PCDHGA6: variants seen among roughly 807,000 people sequenced by gnomAD.
PCDHGA6 encodes the protein protocadherin gamma-A6.
PCDHGA6 carries 41 observed loss-of-function variants against 60.6 expected under a neutral mutation model. The ratio of observed to expected loss-of-function variants is 0.68; its 90% confidence interval spans 0.53 to 0.88. The LOEUF is 0.88. Ranked by LOEUF, PCDHGA6 falls within the 40% of genes least tolerant of loss-of-function variation. PCDHGA6 has a pLI of 0.00. For missense variants in PCDHGA6, 1,312 were observed against 1,203.0 expected, an observed-to-expected ratio of 1.09 and a Z score of -1.34; for synonymous variants, 594 against 524.4, an observed-to-expected ratio of 1.13 and a Z score of -1.81.
chr5:141,414,715 G>A, intron 1 of PCDHGA6: 1 of 1,614,128 alleles, frequency 6.2e-7, no homozygotes. Context: ...CATCAACTCA[G>A]ACACTGGCGT....
At position 141,393,088 on chromosome 5, in the gene PCDHGA6, G is replaced by T. The variant is rs760420305; in HGVS notation, c.2424+16581G>T. ...TTGATCACCGCGGGCAGGATAGATCGGGAGGAGCTCTGCGCTCAGAGCCCG... is the reference window on the plus strand; with the variant it reads ...TTGATCACCGCGGGCAGGATAGATCTGGAGGAGCTCTGCGCTCAGAGCCCG... On this transcript the variant is annotated intron_variant, in intron 1 of 3. Transcript: ENST00000517434. 3.7e-6 allele frequency: 6 copies of T among 1,613,530 alleles called. No homozygotes were observed. In the East Asian group the frequency reaches 1.3e-4, roughly 36 times the overall value.
Position 141,476,165 on chromosome 5 carries a change from G to A in PCDHGA6, c.2425-18642G>A. ...CGGACTGGTAAGCACCGGGAGGGTA[G>A]TGGGAGTTTTGCTTCTGCTTGGTGC... On this transcript the variant is annotated intron_variant, in intron 1 of 3. Coordinates refer to ENST00000517434, the MANE Select transcript of PCDHGA6 (RefSeq NM_018919.3). This position sits in a 1 kb window ranked among gnomAD's most constrained non-coding sequence, Gnocchi z 7.6. 1 of 1,613,228 alleles carries A rather than the reference G, an allele frequency of 6.2e-7. No homozygotes were observed.
intron 1 of PCDHGA6, 70 bp downstream of exon 1, chr5:141,376,577 C>T (rs1231719593): frequency 6.3e-6 from 10 of 1,592,924 alleles, no homozygotes; most frequent in Admixed American, 1.7e-5. Flanking sequence ...CAGACAGGCT[C>T]ATCAGCTAGA....
At chr5:141,428,175 G>A (rs766332920) in intron 1 of PCDHGA6, 20 of 1,508,456 alleles carry the variant, frequency 1.3e-5, no homozygotes, top group Non-Finnish European at 1.8e-5. Flanking sequence ...GTGCGTGACG[G>A]AGGACAGCCG....
intron 1 of PCDHGA6, chr5:141,416,286 T>C (rs1415036175): frequency 2.0e-5 from 3 of 152,304 alleles, no homozygotes; most frequent in Non-Finnish European, 4.4e-5. Context: ...AATTCTCTAA[T>C]TTCACACTGC....
chr5:141,407,807 T>C (rs916388568), intron 1 of PCDHGA6, among the ~76,000 whole-genome samples: 1 of 152,202 alleles, frequency 6.6e-6, no homozygotes, highest in African/African-American at 2.4e-5. Flanking sequence ...CATAGAAATA[T>C]CTACTATAAT....
intron 1 of PCDHGA6, chr5:141,394,548 C>T (rs1176145709): frequency 6.2e-7 from 1 of 1,614,160 alleles, no homozygotes; most frequent in Admixed American, 1.7e-5. Context: ...GGAGCTGGCG[C>T]CCCGCTCCGC....
chr5:141,468,458 G>A (rs1047447240), intron 1 of PCDHGA6: 3 of 152,134 alleles, frequency 2.0e-5, no homozygotes, highest in African/African-American at 7.2e-5. Flanking sequence ...ATTAAAGCAA[G>A]TTATTTCTGA....
intron 1 of PCDHGA6, chr5:141,409,051 C>T (rs767003760): frequency 3.7e-6 from 6 of 1,614,032 alleles, no homozygotes; most frequent in Non-Finnish European, 5.1e-6. Context: ...ACTTCCGAAG[C>T]ACTGCCCAGA....
chr5:141,402,642 A>C (rs1236156893), intron 1 of PCDHGA6, among the ~76,000 whole-genome samples: 2 of 152,240 alleles, frequency 1.3e-5, no homozygotes, highest in Non-Finnish European at 2.9e-5. Flanking sequence ...TAAAATCATA[A>C]TTAGAAGAGA....
chr5:141,419,578 G>C (rs1339676992), intron 1 of PCDHGA6: 1 of 1,611,722 alleles, frequency 6.2e-7, no homozygotes. Flanking sequence ...ACGGCTCCGC[G>C]CTCTTCGACA....
intron 1 of PCDHGA6, chr5:141,433,074 A>C: frequency 6.2e-7 from 1 of 1,614,218 alleles, no homozygotes; most frequent in East Asian, 2.2e-5. Flanking sequence ...ATCTTCCCCC[A>C]GCCCAACTAT....
chr5:141,461,216 T>C (rs1050704259), intron 1 of PCDHGA6, among the ~76,000 whole-genome samples: 2 of 152,168 alleles, frequency 1.3e-5, no homozygotes, highest in African/African-American at 4.8e-5. Flanking sequence ...ATCTCCATAC[T>C]GTTTTCCATA....
Position 141,490,970 on chromosome 5 carries a change from A to G in PCDHGA6, c.2425-3837A>G. ...CCAGACTGGGAACACTCAGCCCCCC[A>G]GCGTCTCCCTCGCTCTGCTCCTCCT... On this transcript the variant is annotated intron_variant, in intron 1 of 3. Coordinates refer to ENST00000517434, the MANE Select transcript of PCDHGA6 (RefSeq NM_018919.3). This position sits in a 1 kb window ranked among gnomAD's most constrained non-coding sequence, Gnocchi z 5.4. 1 of 1,613,858 alleles carries G rather than the reference A, an allele frequency of 6.2e-7. No individual in the cohort carries two copies. Among genetic ancestry groups the G allele is most frequent in the South Asian group, 1.1e-5 (1 of 91,062 alleles).
intron 1 of PCDHGA6, chr5:141,398,312 C>A: frequency 1.5e-6 from 2 of 1,355,208 alleles, no homozygotes; most frequent in East Asian, 2.5e-5. Flanking sequence ...CAGGAGTTAC[C>A]GACTCGAAAA....
intron 1 of PCDHGA6, chr5:141,479,313 G>C (rs926148640): frequency 2.0e-5 from 3 of 152,456 alleles, no homozygotes; most frequent in Non-Finnish European, 2.9e-5. Context: ...AAAACATAAA[G>C]TAGCCAGACT....
Position 141,486,775 on chromosome 5 carries a change from G to A in PCDHGA6, c.2425-8032G>A, listed in dbSNP as rs2099634725. On this transcript the variant is annotated intron_variant, in intron 1 of 3. Coordinates refer to ENST00000517434, the MANE Select transcript of PCDHGA6 (RefSeq NM_018919.3). This position sits in a 1 kb window ranked among gnomAD's most constrained non-coding sequence, Gnocchi z 5.0. ...AGCAAACCCAGACACTGCAGTTTGA[G>A]GTGCAGGCCCGGGATCGGGGCAACC... 7 of 1,614,122 alleles carry A rather than the reference G, an allele frequency of 4.3e-6. No individual in the cohort carries two copies. Among genetic ancestry groups the A allele is most frequent in the Non-Finnish European group, 5.9e-6 (7 of 1,180,060 alleles).
At chr5:141,413,353 C>T (rs2095629361) in intron 1 of PCDHGA6, 2 of 1,613,844 alleles carry the variant, frequency 1.2e-6, no homozygotes, top group Middle Eastern at 1.6e-4. Context: ...GGGTCTGGCG[C>T]CCCGGGAGCT....
At chr5:141,472,980 C>CAAAAAAAA (rs60579131) in intron 1 of PCDHGA6, among the ~76,000 whole-genome samples, 7 of 86,098 alleles carry the variant, frequency 8.1e-5, no homozygotes, top group Admixed American at 1.2e-4. Context: ...GAGTGAAACT[C>CAAAAAAAA]AAAAAAAAAA....
Sources: gnomAD v4.1 joint callset for allele counts (sites outside exome capture counted in the v4.1 genomes callset) on GRCh38, gnomAD v4.1.1 for gene constraint, Gnocchi (gnomAD v3.1) non-coding constraint, MANE v1.5 for transcripts, NCBI Gene and HGNC (gene_info 2026-07-23, HGNC 2026-07-21) for gene names.